Variants in EIF4G3 observed in about 807,000 individuals in gnomAD.
EIF4G3 encodes the protein eukaryotic translation initiation factor 4 gamma 3.
Under a neutral mutation model 186.4 loss-of-function variants are expected in EIF4G3, and 34 were observed. The observed-to-expected ratio is 0.18, with a 90% CI of 0.14 to 0.24. The LOEUF is 0.24. Ranked by LOEUF, EIF4G3 falls within the 10% of genes least tolerant of loss-of-function variation. EIF4G3 has a pLI of 1.00. For synonymous variants in EIF4G3, 673 were observed against 679.5 expected (o/e 0.99, Z 0.15); for missense variants, 1,536 against 1,948.5 (o/e 0.79, Z 3.99).
intron 30 of EIF4G3, among the ~76,000 whole-genome samples, chr1:20,838,469 C>T (rs113032197): frequency 1.1e-3 from 166 of 152,230 alleles, no homozygotes; most frequent in African/African-American, 3.9e-3. Context: ...GCTGGGAGGA[C>T]CATATTCAAT....
At position 20,949,853 on chromosome 1, in the gene EIF4G3, A is replaced by G. The variant is rs191713457; in HGVS notation, c.823+150T>C. On this transcript the variant is annotated intron_variant, in intron 13 of 36. Transcript: ENST00000602326. ...CCTACTTTAGTTTCCTAGAGGCAGA[A>G]TACTTTAATTTTCTGCCTCAAAGCT... The G allele has an allele frequency of 2.5e-3, 1,516 of 608,764 alleles. 3 individuals carry two copies. Among genetic ancestry groups the G allele is most frequent in the Non-Finnish European group, 3.8e-3 (1,356 of 353,720 alleles). 37.7% of individuals were successfully genotyped at this position (608,764 alleles called of 1,614,324 possible).
At chr1:21,019,682 A>G (rs145791784) in intron 4 of EIF4G3, among the ~76,000 whole-genome samples, 6,857 of 152,308 alleles carry the variant, frequency 0.045, 219 homozygotes, top group Non-Finnish European at 0.066. Context: ...CAAGAGATCG[A>G]GACCATCCTG....
intron 20 of EIF4G3, 131 bp downstream of exon 20, chr1:20,879,189 ATAT>A (rs1157696164): frequency 1.5e-5 from 9 of 615,840 alleles, no homozygotes; most frequent in African/African-American, 1.3e-4. Context: ...AATAATGAGA[ATAT>A]TATATCAATA....
chr1:21,170,265 A>T (rs2097932457), intron 2 of EIF4G3, among the ~76,000 whole-genome samples: 1 of 152,214 alleles, frequency 6.6e-6, no homozygotes, highest in Non-Finnish European at 1.5e-5. Context: ...TCTAGGTGCT[A>T]GCAATTCCAC....
At chr1:20,959,461 C>G (rs1558441330) in intron 12 of EIF4G3, among the ~76,000 whole-genome samples, 2 of 151,960 alleles carry the variant, frequency 1.3e-5, no homozygotes, top group Non-Finnish European at 2.9e-5. Context: ...AAAAACTCTT[C>G]TAGACATCAG....
At chr1:21,114,186 T>G (rs189697939) in intron 2 of EIF4G3, among the ~76,000 whole-genome samples, 5 of 152,140 alleles carry the variant, frequency 3.3e-5, no homozygotes, top group Non-Finnish European at 5.9e-5. Context: ...CTCGCTCTGT[T>G]GCCAGGCTGG....
chr1:20,918,298 TTACCGGGTTCAAGC>T (rs1558232821), intron 14 of EIF4G3, among the ~76,000 whole-genome samples: 1 of 152,122 alleles, frequency 6.6e-6, no homozygotes, highest in Non-Finnish European at 1.5e-5. Flanking sequence ...CACTCTTGAA[TTACCGGGTTCAAGC>T]AGTCCTCCTG....
intron 30 of EIF4G3, among the ~76,000 whole-genome samples, chr1:20,839,618 G>T (rs777937987): frequency 6.6e-6 from 1 of 151,894 alleles, no homozygotes; most frequent in African/African-American, 2.4e-5. Context: ...CCTCAGCCTC[G>T]CAAGTAGCTG....
intron 11 of EIF4G3, among the ~76,000 whole-genome samples, chr1:20,971,418 C>G (rs551263614): frequency 6.6e-6 from 1 of 152,202 alleles, no homozygotes; most frequent in Admixed American, 6.5e-5. Context: ...TCTGTAACTA[C>G]TGTCTTCCGG....
intron 8 of EIF4G3, among the ~76,000 whole-genome samples, chr1:20,981,516 TATAC>T (rs980083657): frequency 2.7e-4 from 36 of 132,972 alleles, no homozygotes; most frequent in African/African-American, 8.9e-4. Flanking sequence ...ATACTGTATA[TATAC>T]ATACATACAT....
chr1:20,816,499 G>A (rs1193510156), intron 34 of EIF4G3, among the ~76,000 whole-genome samples: 1 of 89,432 alleles, frequency 1.1e-5, no homozygotes, highest in Non-Finnish European at 2.4e-5. Flanking sequence ...AGGTGGGGGG[G>A]TCAGCCCCCC....
chr1:20,819,392 A>G (rs1337401682), intron 33 of EIF4G3, among the ~76,000 whole-genome samples: 4 of 151,174 alleles, frequency 2.6e-5, no homozygotes, highest in African/African-American at 9.7e-5. Context: ...ATCAAGGCTC[A>G]CTGCAGCCTT....
At chr1:20,822,161 C>T (rs1306497858) in intron 33 of EIF4G3, among the ~76,000 whole-genome samples, 6 of 152,274 alleles carry the variant, frequency 3.9e-5, no homozygotes, top group Non-Finnish European at 2.9e-5. Flanking sequence ...TAGGCATGAG[C>T]CACCACGCCT....
chr1:21,043,816 G>T (rs1225241311), intron 4 of EIF4G3, among the ~76,000 whole-genome samples: 1 of 149,388 alleles, frequency 6.7e-6, no homozygotes, highest in Admixed American at 6.7e-5. Flanking sequence ...GGAGACTGCA[G>T]TGAGCAGAAA....
intron 2 of EIF4G3, among the ~76,000 whole-genome samples, chr1:21,126,473 C>T (rs925749708): frequency 6.6e-6 from 1 of 151,986 alleles, no homozygotes; most frequent in African/African-American, 2.4e-5. Context: ...TCAGCCTGGG[C>T]AACACAGCAA....
At position 20,981,125 on chromosome 1, in the gene EIF4G3, T is replaced by C; in HGVS notation, c.301A>G (p.Asn101Asp). 6.2e-7 allele frequency: 1 copy of C among 1,613,648 alleles called. No homozygotes were observed. The change falls in exon 9 of 37, where the codon AAT becomes GAT. Residue 101 changes from asparagine (N) to aspartate (D), a missense_variant. Transcript: ENST00000602326. ...TGGTTAACCATCATGATGTGCTGATTAGCCTGGTACACTGCAGTGGGTGTC... is the reference window on the plus strand; with the variant it reads ...TGGTTAACCATCATGATGTGCTGATCAGCCTGGTACACTGCAGTGGGTGTC... ...AQTPTAVYQA[N>D]QHIMMVNHLP... is the part of the protein sequence containing the mutation.
chr1:20,950,198 G>C, intron 12 of EIF4G3, 87 bp from the exon 13 acceptor site: 1 of 885,710 alleles, frequency 1.1e-6, no homozygotes, highest in Non-Finnish European at 1.7e-6. Context: ...AGGGAAGACA[G>C]TAGAGCACAG....
At chr1:20,904,672 T>A (rs2091530107) in intron 15 of EIF4G3, among the ~76,000 whole-genome samples, 1 of 152,208 alleles carries the variant, frequency 6.6e-6, no homozygotes, top group Admixed American at 6.5e-5. Flanking sequence ...AAAAGAGGTA[T>A]TTTGAAAGAA....
At chr1:20,965,799 C>T (rs1050501172) in intron 12 of EIF4G3, among the ~76,000 whole-genome samples, 1 of 152,074 alleles carries the variant, frequency 6.6e-6, no homozygotes, top group Non-Finnish European at 1.5e-5. Flanking sequence ...ATATTCATTG[C>T]GCACCAGGCA....
Sources: gnomAD v4.1 joint callset for allele counts (sites outside exome capture counted in the v4.1 genomes callset) on GRCh38, gnomAD v4.1.1 for gene constraint, MANE v1.5 for transcripts, NCBI Gene and HGNC (gene_info 2026-07-23, HGNC 2026-07-21) for gene names.